The following GRIA4 variants were observed in gnomAD, a reference collection of about 807,000 sequenced individuals.
GRIA4 encodes the protein glutamate ionotropic receptor AMPA type subunit 4.
GRIA4 carries 34 observed loss-of-function variants against 104.0 expected under a neutral mutation model. The observed-to-expected ratio is 0.33, with a 90% CI of 0.25 to 0.44. The LOEUF is 0.44. Among genes scored for constraint, GRIA4 ranks in the 20% least tolerant of loss-of-function variants. GRIA4 has a pLI of 1.00. For synonymous variants in GRIA4, 386 were observed against 381.9 expected (o/e 1.01, Z -0.13); for missense variants, 750 against 1,096.5 (o/e 0.68, Z 4.46).
intron 4 of GRIA4, among the ~76,000 whole-genome samples, chr11:105,823,204 T>C (rs1943639505): frequency 6.6e-6 from 1 of 152,148 alleles, no homozygotes; most frequent in African/African-American, 2.4e-5. Context: ...TGTTGGCAGA[T>C]TCATGTATGT....
At chr11:105,863,485 T>A (rs2136025807) in intron 5 of GRIA4, among the ~76,000 whole-genome samples, 1 of 151,996 alleles carries the variant, frequency 6.6e-6, no homozygotes, top group East Asian at 1.9e-4. Context: ...CCTAAGAGAG[T>A]CCAAAAAATT....
At chr11:105,716,641 A>G (rs1054192725) in intron 3 of GRIA4, among the ~76,000 whole-genome samples, 1 of 152,142 alleles carries the variant, frequency 6.6e-6, no homozygotes, top group South Asian at 2.1e-4. Context: ...CATCATTAAC[A>G]ACGTATCAAT....
At chr11:105,927,205 T>G (rs1947732556) in intron 13 of GRIA4, among the ~76,000 whole-genome samples, 1 of 152,118 alleles carries the variant, frequency 6.6e-6, no homozygotes. Context: ...ACATAATTTA[T>G]CCAAAACATT....
intron 3 of GRIA4, among the ~76,000 whole-genome samples, chr11:105,736,979 A>G (rs770848002): frequency 3.3e-5 from 5 of 152,154 alleles, no homozygotes; most frequent in Non-Finnish European, 7.4e-5. Context: ...AATTATTAGT[A>G]GTATAATTTC....
chr11:105,687,717 A>T (rs771896730), intron 3 of GRIA4, among the ~76,000 whole-genome samples: 2 of 152,212 alleles, frequency 1.3e-5, no homozygotes, highest in Non-Finnish European at 2.9e-5. Flanking sequence ...GAGAGATACC[A>T]GTGCAGATGC....
chr11:105,666,512 T>C (rs991108981), intron 3 of GRIA4, among the ~76,000 whole-genome samples: 2 of 151,942 alleles, frequency 1.3e-5, no homozygotes, highest in South Asian at 4.1e-4. Flanking sequence ...TTAAAAACTA[T>C]GAAATAATGC....
chr11:105,908,748 G>C (rs1947131085), intron 9 of GRIA4, among the ~76,000 whole-genome samples: 1 of 151,984 alleles, frequency 6.6e-6, no homozygotes, highest in Non-Finnish European at 1.5e-5. Flanking sequence ...CCAATATCTA[G>C]GTACTCTCCA....
intron 9 of GRIA4, among the ~76,000 whole-genome samples, chr11:105,906,850 A>T (rs1947057822): frequency 6.6e-6 from 1 of 152,186 alleles, no homozygotes; most frequent in African/African-American, 2.4e-5. Context: ...TTCATTAGAG[A>T]TCCTCTGCTA....
At chr11:105,701,494 A>AT (rs1953489543) in intron 3 of GRIA4, among the ~76,000 whole-genome samples, 1 of 152,142 alleles carries the variant, frequency 6.6e-6, no homozygotes, top group African/African-American at 2.4e-5. Context: ...GCATTTCCTT[A>AT]TTTTGAAGCA....
intron 4 of GRIA4, among the ~76,000 whole-genome samples, chr11:105,796,382 A>G (rs1353765635): frequency 1.3e-5 from 2 of 152,202 alleles, no homozygotes; most frequent in African/African-American, 4.8e-5. Flanking sequence ...ATAAGTTGGC[A>G]GCAGTTAGTG....
intron 14 of GRIA4, among the ~76,000 whole-genome samples, chr11:105,966,312 A>G (rs1388231212): frequency 2.6e-5 from 4 of 152,252 alleles, no homozygotes; most frequent in Non-Finnish European, 4.4e-5. Context: ...ATCAGACGTT[A>G]TAAGTCTATG....
chr11:105,810,935 G>T (rs1487340392), intron 4 of GRIA4, among the ~76,000 whole-genome samples: 1 of 152,008 alleles, frequency 6.6e-6, no homozygotes, highest in Non-Finnish European at 1.5e-5. Flanking sequence ...AACTATTATT[G>T]ATTACTGCTT....
chr11:105,652,450 C>T lies in GRIA4; in HGVS notation c.247+40016C>T, dbSNP rs1390278083. On this transcript the variant is annotated intron_variant, in intron 3 of 16. Transcript: ENST00000282499. ...CAGTGTAACCAGTAAGATGAGGACACTCAACTTTGACTCTTAGGATTTTTT... is the reference window on the plus strand; with the variant it reads ...CAGTGTAACCAGTAAGATGAGGACATTCAACTTTGACTCTTAGGATTTTTT... Among the ~76,000 whole-genome samples, 3 of 152,114 alleles carry T rather than the reference C, an allele frequency of 2.0e-5. No individual in the cohort carries two copies. The East Asian group carries it at 5.8e-4, about 29-fold the overall frequency.
At chr11:105,899,387 G>T (rs1376071309) in intron 7 of GRIA4, among the ~76,000 whole-genome samples, 1 of 152,168 alleles carries the variant, frequency 6.6e-6, no homozygotes, top group Admixed American at 6.5e-5. Context: ...ATTATTAAAT[G>T]GATTTGTTAG....
chr11:105,746,886 A>G (rs1488330447), intron 3 of GRIA4, among the ~76,000 whole-genome samples: 1 of 152,132 alleles, frequency 6.6e-6, no homozygotes, highest in Non-Finnish European at 1.5e-5. Flanking sequence ...ACAATCGGCA[A>G]AAAGCTGGAA....
chr11:105,837,363 A>G (rs1392748211), intron 4 of GRIA4, among the ~76,000 whole-genome samples: 1 of 152,178 alleles, frequency 6.6e-6, no homozygotes, highest in Non-Finnish European at 1.5e-5. Flanking sequence ...TCTTAGAACC[A>G]CTATGAGTCT....
chr11:105,815,299 A>G (rs1943331595), intron 4 of GRIA4, among the ~76,000 whole-genome samples: 1 of 152,202 alleles, frequency 6.6e-6, no homozygotes, highest in African/African-American at 2.4e-5. Flanking sequence ...AAGTACATTC[A>G]TCCATTTGGG....
intron 3 of GRIA4, among the ~76,000 whole-genome samples, chr11:105,677,639 T>G (rs577582119): frequency 6.6e-6 from 1 of 152,050 alleles, no homozygotes; most frequent in African/African-American, 2.4e-5. Context: ...GCCCACCACC[T>G]CTCAAACTCC....
intron 6 of GRIA4, among the ~76,000 whole-genome samples, chr11:105,892,185 G>T (rs1275994344): frequency 2.6e-5 from 4 of 151,950 alleles, no homozygotes; most frequent in Non-Finnish European, 4.4e-5. Flanking sequence ...CCCGTCAGGG[G>T]GACCTAATAT....
Sources: gnomAD v4.1 joint callset for allele counts (sites outside exome capture counted in the v4.1 genomes callset) on GRCh38, gnomAD v4.1.1 for gene constraint, MANE v1.5 for transcripts, NCBI Gene and HGNC (gene_info 2026-07-23, HGNC 2026-07-21) for gene names.